The following ZBED6 variants were observed in gnomAD, a reference collection of about 807,000 sequenced individuals.
ZBED6 encodes the protein zinc finger BED-type containing 6, also known as zinc finger BED domain-containing protein 6.
Under a neutral mutation model 58.4 loss-of-function variants are expected in ZBED6, and 40 were observed. That is an observed-to-expected ratio of 0.68 (90% CI 0.53 to 0.89). ZBED6 has a LOEUF of 0.89. Among genes scored for constraint, ZBED6 ranks in the 40% least tolerant of loss-of-function variants. The probability of loss-of-function intolerance (pLI) is 0.00; values close to 1 mark genes in which losing one functional copy is unlikely to be tolerated. For missense variants in ZBED6, 1,057 were observed against 1,003.9 expected (o/e 1.05, Z -0.71); for synonymous variants, 439 against 350.6 (o/e 1.25, Z -2.82).
exon 1 of ZBED6, chr1:203,797,950 C>A (rs1669186857): frequency 1.3e-6 from 2 of 1,535,982 alleles, no homozygotes; most frequent in Non-Finnish European, 1.7e-6. Context: ...CATGTTGACC[C>A]CCAGTACACC....
intron 1 of ZBED6, among the ~76,000 whole-genome samples, chr1:203,814,030 CTT>C (rs1343880826): frequency 6.6e-6 from 1 of 151,228 alleles, no homozygotes; most frequent in Non-Finnish European, 1.5e-5. Context: ...AGTTCAGATT[CTT>C]TATTCCTTTT....
intron 9 of ZBED6, chr1:203,835,550 CA>C (rs1159489209): frequency 1.2e-5 from 2 of 166,390 alleles, no homozygotes; most frequent in East Asian, 3.1e-4. Context: ...TACAATAGCG[CA>C]AATCCACTTT....
chr1:203,848,250 A>T, intron 12 of ZBED6, 81 bp from the exon 13 acceptor site: 1 of 1,180,976 alleles, frequency 8.5e-7, no homozygotes, highest in Non-Finnish European at 1.2e-6. Context: ...TACTTTCATT[A>T]AATAAAGTTT....
At chr1:203,817,792 A>G (rs1033745356) in intron 2 of ZBED6, among the ~76,000 whole-genome samples, 1 of 151,798 alleles carries the variant, frequency 6.6e-6, no homozygotes, top group African/African-American at 2.4e-5. Flanking sequence ...TAGTTCTGTC[A>G]CCCAGGCTGG....
At chr1:203,849,808 A>G (rs1440819279) in exon 14 of ZBED6, 4 of 1,613,826 alleles carry the variant, frequency 2.5e-6, no homozygotes, top group African/African-American at 1.3e-5. Context: ...CAGGAGAGGG[A>G]AAAATCAGTC....
At position 203,833,868 on chromosome 1, in the gene ZBED6, G is replaced by A. The variant is rs750168239; in HGVS notation, c.*3573+15G>A. ...ATTTTCAGCAGGTAAGATAAGTTTT[G>A]TGTATATCTTTTCTTTTCTACTTGT... On this transcript the variant is annotated intron_variant, in intron 9 of 16. Coordinates refer to ENST00000550078, the Ensembl canonical transcript of ZBED6. The A allele has an allele frequency of 7.5e-6, 12 of 1,599,856 alleles. No homozygotes were observed. The highest frequency in any genetic ancestry group is 1.3e-5 in the African/African-American group (1 of 74,208).
chr1:203,843,022 A>T (rs1218114805), intron 11 of ZBED6, among the ~76,000 whole-genome samples: 4 of 151,654 alleles, frequency 2.6e-5, no homozygotes, highest in Admixed American at 2.6e-4. Context: ...ACCTTAGGTT[A>T]CTTTTTATCC....
exon 1 of ZBED6, chr1:203,799,234 A>G (rs760473401): frequency 3.5e-6 from 3 of 862,898 alleles, no homozygotes; most frequent in South Asian, 1.4e-5. Context: ...AATGTGGTAC[A>G]TGCAATCAAA....
At chr1:203,819,725 G>A (rs975862671) in intron 3 of ZBED6, among the ~76,000 whole-genome samples, 2 of 149,056 alleles carry the variant, frequency 1.3e-5, no homozygotes, top group African/African-American at 2.5e-5. Flanking sequence ...GTAGAGATGG[G>A]GTTTTGCCAT....
At chr1:203,797,781 A>G (rs1231539785) in exon 1 of ZBED6, 3 of 1,535,898 alleles carry the variant, frequency 2.0e-6, no homozygotes, top group Non-Finnish European at 2.6e-6. Context: ...AAAGTTTAGT[A>G]AGGATTTGGG....
intron 8 of ZBED6, among the ~76,000 whole-genome samples, chr1:203,832,343 G>A (rs991948993): frequency 1.3e-5 from 2 of 151,576 alleles, no homozygotes; most frequent in South Asian, 4.2e-4. Context: ...TTACAGGTGT[G>A]AGCCACCGTT....
At chr1:203,835,848 C>CT in intron 9 of ZBED6, 4 of 241,716 alleles carry the variant, frequency 1.7e-5, no homozygotes, top group South Asian at 6.3e-5. Context: ...TATGTGCTCC[C>CT]TTTTTTTCCG....
intron 1 of ZBED6, among the ~76,000 whole-genome samples, chr1:203,809,770 A>G (rs1418449700): frequency 1.3e-5 from 2 of 152,088 alleles, no homozygotes; most frequent in African/African-American, 4.8e-5. Context: ...TCTGGCCAAC[A>G]TGGTGAAACC....
intron 3 of ZBED6, among the ~76,000 whole-genome samples, chr1:203,820,576 C>G: frequency 6.6e-6 from 1 of 151,642 alleles, no homozygotes; most frequent in Non-Finnish European, 1.5e-5. Context: ...CTCCTGAGTT[C>G]ATGTGATTCT....
chr1:203,838,179 TTGTTA>T, intron 10 of ZBED6, 115 bp downstream of exon 10: 1 of 974,266 alleles, frequency 1.0e-6, no homozygotes, highest in Non-Finnish European at 1.5e-6. Context: ...TATCTTGTAT[TTGTTA>T]TATTATTCAC....
chr1:203,804,068 G>A (rs1671349310), intron 1 of ZBED6, among the ~76,000 whole-genome samples: 1 of 151,542 alleles, frequency 6.6e-6, no homozygotes, highest in African/African-American at 2.4e-5. Flanking sequence ...GGTCTTCTGT[G>A]CCTTAGTAGT....
chr1:203,828,677 G>A (rs1681327053), intron 4 of ZBED6, among the ~76,000 whole-genome samples: 1 of 152,040 alleles, frequency 6.6e-6, no homozygotes, highest in African/African-American at 2.4e-5. Flanking sequence ...ACCCATAAAC[G>A]TTTTCAAAAT....
At chr1:203,848,630 G>A (rs1688519684) in intron 13 of ZBED6, among the ~76,000 whole-genome samples, 1 of 152,200 alleles carries the variant, frequency 6.6e-6, no homozygotes, top group Non-Finnish European at 1.5e-5. Context: ...GCTCACGCCT[G>A]TAATCCCAGC....
At position 203,797,243 on chromosome 1, in the gene ZBED6, C is replaced by CTTAA. The variant is rs544762130; in HGVS notation, c.-277_-276insATTA. ...GACTCTGGGAAAGGGGGACTCAGTTCTTACTTCTGTAACATGAGGACACTG... is the reference window on the plus strand; with the variant it reads ...GACTCTGGGAAAGGGGGACTCAGTTCTTAATTACTTCTGTAACATGAGGACACTG... On this transcript the variant is annotated 5_prime_UTR_variant, in exon 1 of 17. It introduces an in-frame stop codon into an upstream open reading frame of the 5' UTR. Coordinates refer to ENST00000550078, the Ensembl canonical transcript of ZBED6. 106 of 220,710 alleles carry CTTAA rather than the reference C, an allele frequency of 4.8e-4. 2 individuals are homozygous for CTTAA. In the South Asian group the frequency reaches 7.9e-3, roughly 16 times the overall value. 13.7% of individuals were successfully genotyped at this position (220,710 alleles called of 1,614,324 possible).
Sources: allele counts gnomAD v4.1 joint callset (sites outside exome capture counted in the v4.1 genomes callset), GRCh38; gene constraint gnomAD v4.1.1; transcripts MANE v1.5; gene names NCBI Gene and HGNC (gene_info 2026-07-23, HGNC 2026-07-21).